The following TBXAS1 variants were observed in gnomAD, a reference collection of about 807,000 sequenced individuals.
TBXAS1 encodes thromboxane-A synthase.
A neutral mutation model predicts 60.7 loss-of-function variants in TBXAS1; 48 were observed. That is an observed-to-expected ratio of 0.79 (90% CI 0.63 to 1.01). The LOEUF (loss-of-function observed/expected upper bound fraction) is 1.01, where lower values mean the gene tolerates loss of function less well. Ranked by LOEUF, TBXAS1 falls within the 50% of genes least tolerant of loss-of-function variation. The pLI is 0.00. For missense variants in TBXAS1, 685 were observed against 686.3 expected (o/e 1.00, Z 0.02); for synonymous variants, 287 against 269.7 (o/e 1.06, Z -0.63).
chr7:139,924,149 G>GTA (rs1806704128), intron 4 of TBXAS1, among the ~76,000 whole-genome samples: 1 of 152,246 alleles, frequency 6.6e-6, no homozygotes, highest in East Asian at 1.9e-4. Flanking sequence ...TTTCTTTGGG[G>GTA]TATATACCTA....
intron 5 of TBXAS1, among the ~76,000 whole-genome samples, chr7:139,937,593 G>C (rs559300568): frequency 6.6e-6 from 1 of 152,272 alleles, no homozygotes; most frequent in South Asian, 2.1e-4. Flanking sequence ...CTCAGAGTCA[G>C]GTACCAAGGG....
chr7:139,906,774 G>C (rs544277616), intron 3 of TBXAS1, among the ~76,000 whole-genome samples: 9 of 152,214 alleles, frequency 5.9e-5, no homozygotes, highest in Non-Finnish European at 1.0e-4. Flanking sequence ...TCTCCACTTA[G>C]TTCTTCTTTT....
At chr7:139,977,048 A>C (rs1811614644) in intron 9 of TBXAS1, among the ~76,000 whole-genome samples, 2 of 152,214 alleles carry the variant, frequency 1.3e-5, no homozygotes, top group African/African-American at 4.8e-5. Context: ...GCCCCACGAA[A>C]TGACTGCTCT....
chr7:139,965,974 T>C (rs1810760552), intron 9 of TBXAS1, among the ~76,000 whole-genome samples: 1 of 152,116 alleles, frequency 6.6e-6, no homozygotes, highest in South Asian at 2.1e-4. Flanking sequence ...GTTCACACAT[T>C]AGATATTTTC....
intron 1 of TBXAS1, among the ~76,000 whole-genome samples, chr7:139,865,224 T>A (rs2116749266): frequency 6.6e-6 from 1 of 152,238 alleles, no homozygotes; most frequent in South Asian, 2.1e-4. Flanking sequence ...GTGTAAAATC[T>A]GTATTGCACC....
At chr7:139,894,561 G>T (rs1476452815) in intron 3 of TBXAS1, among the ~76,000 whole-genome samples, 1 of 152,192 alleles carries the variant, frequency 6.6e-6, no homozygotes, top group East Asian at 1.9e-4. Context: ...GGGAAATCTA[G>T]CAGATATAGA....
At chr7:139,950,283 G>T (rs941907526) in intron 5 of TBXAS1, among the ~76,000 whole-genome samples, 1 of 151,988 alleles carries the variant, frequency 6.6e-6, no homozygotes, top group Non-Finnish European at 1.5e-5. Flanking sequence ...TGATCCGCCT[G>T]CCTTGGCCTC....
chr7:140,012,551 C>T (rs1000035820), intron 10 of TBXAS1, among the ~76,000 whole-genome samples: 2 of 151,992 alleles, frequency 1.3e-5, no homozygotes, highest in Non-Finnish European at 2.9e-5. Context: ...CTCCTCTTCC[C>T]GGGTTCAAGC....
chr7:139,810,366 T>C (rs988120471), intron 4 of TBXAS1, among the ~76,000 whole-genome samples: 1 of 152,198 alleles, frequency 6.6e-6, no homozygotes. Flanking sequence ...TCTTTGTGAC[T>C]GCTGTGACTG....
At chr7:139,849,342 G>A (rs1298653095) in intron 1 of TBXAS1, among the ~76,000 whole-genome samples, 1 of 151,576 alleles carries the variant, frequency 6.6e-6, no homozygotes, top group African/African-American at 2.4e-5. Flanking sequence ...TCGCACCACT[G>A]CACTTCCAAC....
chr7:139,985,742 T>C (rs1585008802), intron 9 of TBXAS1, among the ~76,000 whole-genome samples: 1 of 152,182 alleles, frequency 6.6e-6, no homozygotes, highest in East Asian at 1.9e-4. Context: ...AAGCTCCCCA[T>C]AAGGTGAGAC....
At chr7:139,962,290 T>C in intron 9 of TBXAS1, 57 bp downstream of exon 9, 1 of 1,602,346 alleles carries the variant, frequency 6.2e-7, no homozygotes, top group Non-Finnish European at 8.5e-7. Context: ...ATTGATTTTG[T>C]GTTTGTGGGA....
chr7:139,980,427 G>T (rs1387847057), intron 9 of TBXAS1, among the ~76,000 whole-genome samples: 1 of 152,060 alleles, frequency 6.6e-6, no homozygotes, highest in Non-Finnish European at 1.5e-5. Context: ...CTCCAACTTG[G>T]TTACACATTT....
intron 8 of TBXAS1, among the ~76,000 whole-genome samples, chr7:139,958,951 GA>G (rs1342294725): frequency 6.6e-6 from 1 of 152,018 alleles, no homozygotes; most frequent in Non-Finnish European, 1.5e-5. Context: ...AAGGGATAAA[GA>G]AAGAACCATT....
chr7:139,838,284 G>A (rs1799199974), intron 1 of TBXAS1, among the ~76,000 whole-genome samples: 2 of 152,192 alleles, frequency 1.3e-5, no homozygotes, highest in South Asian at 4.1e-4. Flanking sequence ...CAAAGGCACT[G>A]AGGAGCCCCC....
At chr7:139,814,766 G>A (rs1798106114) in intron 4 of TBXAS1, among the ~76,000 whole-genome samples, 2 of 152,144 alleles carry the variant, frequency 1.3e-5, no homozygotes, top group Non-Finnish European at 2.9e-5. Flanking sequence ...GACTGGACTA[G>A]GTGCCCAGAG....
chr7:140,001,634 C>A (rs1438321017), intron 9 of TBXAS1, among the ~76,000 whole-genome samples: 1 of 152,100 alleles, frequency 6.6e-6, no homozygotes, highest in Non-Finnish European at 1.5e-5. Flanking sequence ...CAAGTGACAC[C>A]CCCTGCCTTG....
chr7:140,003,037 T>C (rs1357402594), intron 9 of TBXAS1, among the ~76,000 whole-genome samples: 2 of 149,198 alleles, frequency 1.3e-5, no homozygotes, highest in African/African-American at 5.0e-5. Context: ...GGCAGAAGAA[T>C]TGCTTGAACC....
intron 1 of TBXAS1, among the ~76,000 whole-genome samples, chr7:139,860,688 C>T (rs536026518): frequency 2.6e-5 from 4 of 152,110 alleles, no homozygotes; most frequent in Non-Finnish European, 4.4e-5. Context: ...AAGGGGACAC[C>T]CCCTGCCATC....
Sources: allele counts gnomAD v4.1 joint callset (sites outside exome capture counted in the v4.1 genomes callset), GRCh38; gene constraint gnomAD v4.1.1; transcripts MANE v1.5; gene names NCBI Gene and HGNC (gene_info 2026-07-23, HGNC 2026-07-21).